Variants in PDE4B observed in about 807,000 individuals in gnomAD.
PDE4B encodes 3',5'-cyclic-AMP phosphodiesterase 4B.
Under a neutral mutation model 82.2 loss-of-function variants are expected in PDE4B, and 20 were observed. The observed-to-expected ratio is 0.24, with a 90% CI of 0.17 to 0.35. PDE4B has a LOEUF of 0.35. Ranked by LOEUF, PDE4B falls within the 10% of genes least tolerant of loss-of-function variation. The pLI is 1.00. For synonymous variants in PDE4B, 320 were observed against 318.9 expected (o/e 1.00, Z -0.04); for missense variants, 655 against 907.2 (o/e 0.72, Z 3.57).
intron 3 of PDE4B, among the ~76,000 whole-genome samples, chr1:66,021,348 T>G (rs1239334407): frequency 6.6e-6 from 1 of 152,234 alleles, no homozygotes; most frequent in Non-Finnish European, 1.5e-5. Flanking sequence ...ATTTTGGCTT[T>G]TGTTGCCATT....
intron 3 of PDE4B, among the ~76,000 whole-genome samples, chr1:66,092,016 T>A (rs1645035783): frequency 6.6e-6 from 1 of 152,020 alleles, no homozygotes; most frequent in African/African-American, 2.4e-5. Context: ...ATCCTTGCAT[T>A]TTCAGTGCCT....
intron 3 of PDE4B, among the ~76,000 whole-genome samples, chr1:66,230,227 T>G (rs1651841968): frequency 6.6e-6 from 1 of 152,178 alleles, no homozygotes; most frequent in South Asian, 2.1e-4. Context: ...AGAGATAGTC[T>G]TGGAGTACAA....
At chr1:65,829,385 T>C (rs1257639232) in intron 1 of PDE4B, among the ~76,000 whole-genome samples, 2 of 152,174 alleles carry the variant, frequency 1.3e-5, no homozygotes, top group African/African-American at 2.4e-5. Context: ...TCCTTTCTTA[T>C]TGACAAAACA....
At chr1:66,253,943 T>C (rs1358807151) in intron 4 of PDE4B, among the ~76,000 whole-genome samples, 1 of 152,252 alleles carries the variant, frequency 6.6e-6, no homozygotes, top group Non-Finnish European at 1.5e-5. Context: ...GTTGACATTA[T>C]GCCCTATTAA....
chr1:65,912,124 G>A (rs1647099673), intron 1 of PDE4B, among the ~76,000 whole-genome samples: 1 of 152,028 alleles, frequency 6.6e-6, no homozygotes. Flanking sequence ...ACCATTATAT[G>A]GACTAATACT....
intron 3 of PDE4B, among the ~76,000 whole-genome samples, chr1:66,200,759 G>C (rs972654561): frequency 1.1e-4 from 17 of 152,040 alleles, no homozygotes; most frequent in Admixed American, 7.2e-4. Flanking sequence ...GAGACAGTGG[G>C]GTTTTCTAGA....
chr1:66,235,204 T>G (rs1423648475), intron 3 of PDE4B, among the ~76,000 whole-genome samples: 1 of 152,204 alleles, frequency 6.6e-6, no homozygotes, highest in Non-Finnish European at 1.5e-5. Flanking sequence ...TCACGTGCAC[T>G]TGAAAAAATG....
At chr1:66,327,081 C>A (rs904319294) in intron 7 of PDE4B, among the ~76,000 whole-genome samples, 1 of 152,150 alleles carries the variant, frequency 6.6e-6, no homozygotes, top group Non-Finnish European at 1.5e-5. Flanking sequence ...TAACTATGAG[C>A]AACTAGCTAT....
intron 3 of PDE4B, among the ~76,000 whole-genome samples, chr1:66,036,226 C>T (rs996530513): frequency 6.6e-6 from 1 of 152,020 alleles, no homozygotes; most frequent in Non-Finnish European, 1.5e-5. Flanking sequence ...GGATATTAGC[C>T]CCTTATCCAG....
At chr1:65,974,703 C>T (rs1650319278) in intron 3 of PDE4B, among the ~76,000 whole-genome samples, 2 of 152,090 alleles carry the variant, frequency 1.3e-5, no homozygotes, top group South Asian at 4.1e-4. Context: ...CTCACAAGAT[C>T]TGATGGTTTA....
chr1:66,359,667 G>A lies in PDE4B; in HGVS notation c.842-1948G>A, dbSNP rs565812045. On this transcript the variant is annotated intron_variant, in intron 9 of 16. Coordinates refer to ENST00000341517, the MANE Select transcript of PDE4B (RefSeq NM_002600.4). ...CTGGTCCTACTAGAAATGGTTATAT[G>A]TGCAGTGACACAGGAGAATCTAAGA... 4.6e-5 allele frequency among the ~76,000 whole-genome samples: 7 copies of A among 152,286 alleles called. No individual in the cohort carries two copies. In the South Asian group the frequency reaches 1.4e-3, roughly 32 times the overall value.
chr1:66,281,125 A>G lies in PDE4B; in HGVS notation c.634+15038A>G, dbSNP rs532831369. Among the ~76,000 whole-genome samples, 4 of 152,308 alleles carry G rather than the reference A, an allele frequency of 2.6e-5. No homozygotes were observed. The East Asian group carries it at 5.8e-4, about 22-fold the overall frequency. ...AGAATTGCTCCCAGCAAATTACTAA[A>G]CTAAACCTACTGCTGATACTTTTAC... On this transcript the variant is annotated intron_variant, in intron 7 of 16. Coordinates refer to ENST00000341517, the MANE Select transcript of PDE4B (RefSeq NM_002600.4).
intron 3 of PDE4B, among the ~76,000 whole-genome samples, chr1:65,982,423 A>T (rs746522593): frequency 1.1e-4 from 17 of 152,160 alleles, no homozygotes; most frequent in Non-Finnish European, 2.2e-4. Flanking sequence ...GAGTGTGAAG[A>T]CTGGAAAAAT....
chr1:65,886,517 CTTT>C (rs1458220693), intron 1 of PDE4B, among the ~76,000 whole-genome samples: 1 of 152,150 alleles, frequency 6.6e-6, no homozygotes, highest in Non-Finnish European at 1.5e-5. Context: ...TAACCAACCT[CTTT>C]TTATCTCCCT....
chr1:66,182,472 G>T (rs1264765522), intron 3 of PDE4B, among the ~76,000 whole-genome samples: 1 of 152,056 alleles, frequency 6.6e-6, no homozygotes, highest in Non-Finnish European at 1.5e-5. Flanking sequence ...ATTTAATTCA[G>T]TTTTAATTGC....
At chr1:66,076,802 G>A (rs1221991976) in intron 3 of PDE4B, among the ~76,000 whole-genome samples, 1 of 152,088 alleles carries the variant, frequency 6.6e-6, no homozygotes, top group Non-Finnish European at 1.5e-5. Context: ...TTGGATACTT[G>A]TATTTCTTCC....
chr1:66,151,047 G>T (rs1453129389), intron 3 of PDE4B, among the ~76,000 whole-genome samples: 1 of 152,146 alleles, frequency 6.6e-6, no homozygotes, highest in East Asian at 1.9e-4. Flanking sequence ...ACTGACCTCA[G>T]ATAATGAGTT....
intron 6 of PDE4B, among the ~76,000 whole-genome samples, chr1:66,262,851 A>C (rs1451104248): frequency 6.6e-6 from 1 of 152,216 alleles, no homozygotes; most frequent in African/African-American, 2.4e-5. Context: ...AACTTCTGAG[A>C]CAAAAGAATT....
chr1:66,169,282 A>T (rs1336463140), intron 3 of PDE4B, among the ~76,000 whole-genome samples: 1 of 152,144 alleles, frequency 6.6e-6, no homozygotes, highest in Non-Finnish European at 1.5e-5. Context: ...GTGGCCTTTA[A>T]GTGCTATTGT....
Sources: gnomAD v4.1 joint callset for allele counts (sites outside exome capture counted in the v4.1 genomes callset) on GRCh38, gnomAD v4.1.1 for gene constraint, MANE v1.5 for transcripts, NCBI Gene and HGNC (gene_info 2026-07-23, HGNC 2026-07-21) for gene names.